Variants in RFX7 observed in about 807,000 individuals in gnomAD.
RFX7 encodes the protein regulatory factor X7.
A neutral mutation model predicts 111.8 loss-of-function variants in RFX7; 26 were observed. The ratio of observed to expected loss-of-function variants is 0.23; its 90% CI spans 0.17 to 0.32. RFX7 has a LOEUF of 0.32. Among genes scored for constraint, RFX7 ranks in the 10% least tolerant of loss-of-function variants. RFX7 has a pLI of 1.00. For missense variants in RFX7, 1,573 were observed against 1,772.9 expected (o/e 0.89, Z 2.02); for synonymous variants, 624 against 624.4 (o/e 1.00, Z 0.01).
chr15:56,217,060 T>A (rs1427442452), intron 2 of RFX7, among the ~76,000 whole-genome samples: 1 of 152,198 alleles, frequency 6.6e-6, no homozygotes, highest in African/African-American at 2.4e-5. Flanking sequence ...TTAGAAAGAA[T>A]AGTACAACCA....
At position 56,093,585 on chromosome 15, in the gene RFX7, A is replaced by G; in HGVS notation, c.4143T>C (p.Ser1381=). Residue 1381 remains serine (S), a synonymous_variant, in exon 10 of 10, where the codon TCT becomes TCC. Transcript: ENST00000559447. The part of the protein sequence containing the change: ...SDLTNTASDF[S]SDIRLSSELS... Reference sequence around the variant, plus strand: ...GCTCAGAAGACAACCTGATATCGCTAGAGAAATCAGATGCAGTATTAGTGA... The same window carrying G: ...GCTCAGAAGACAACCTGATATCGCTGGAGAAATCAGATGCAGTATTAGTGA... The G allele has an allele frequency of 6.2e-7, 1 of 1,613,810 alleles. No individual in the cohort carries two copies. Among genetic ancestry groups the G allele is most frequent in the Non-Finnish European group, 8.5e-7 (1 of 1,179,750 alleles).
intron 5 of RFX7, among the ~76,000 whole-genome samples, chr15:56,110,361 G>A (rs1375517952): frequency 8.7e-6 from 1 of 115,420 alleles, no homozygotes; most frequent in African/African-American, 3.1e-5. Flanking sequence ...CCTCGTCCGG[G>A]AGGGAGGTGG....
intron 5 of RFX7, among the ~76,000 whole-genome samples, chr15:56,135,077 G>A (rs1332762244): frequency 3.9e-5 from 6 of 152,260 alleles, no homozygotes; most frequent in South Asian, 4.2e-4. Context: ...ATAAACATAC[G>A]TGTGCATGTG....
chr15:56,158,199 G>A (rs2042677432), intron 3 of RFX7, among the ~76,000 whole-genome samples: 1 of 152,146 alleles, frequency 6.6e-6, no homozygotes, highest in African/African-American at 2.4e-5. Flanking sequence ...GTAAGGTATA[G>A]GATATAGAAT....
At chr15:56,238,135 CT>C (rs1377689556) in intron 2 of RFX7, among the ~76,000 whole-genome samples, 1 of 152,174 alleles carries the variant, frequency 6.6e-6, no homozygotes, top group East Asian at 1.9e-4. Flanking sequence ...AGTTAATAAA[CT>C]ACCTGATTCA....
In RFX7 at chr15:56,088,344, C is replaced by T. The variant is rs2041552429; in HGVS notation, c.*5001G>A. On this transcript the variant is annotated 3_prime_UTR_variant, in exon 10 of 10. Coordinates refer to ENST00000559447, the MANE Select transcript of RFX7 (RefSeq NM_022841.7). ...AAATTTTCTCACCTGAAAAATAATA[C>T]TCGCTAAAAATTGTTACAATGAGGA... The T allele has an allele frequency of 6.5e-6, 1 of 152,848 alleles. No individual in the cohort carries two copies. Among genetic ancestry groups the T allele is most frequent in the African/African-American group, 2.4e-5 (1 of 41,418 alleles). 9.5% of individuals were successfully genotyped at this position (152,848 alleles called of 1,614,324 possible). A position where few individuals can be genotyped will look rare whatever the true frequency, so the allele number is the denominator to read the frequency against.
intron 5 of RFX7, among the ~76,000 whole-genome samples, chr15:56,114,523 G>A (rs1447656034): frequency 6.6e-5 from 10 of 151,860 alleles, no homozygotes; most frequent in Admixed American, 6.6e-5. Context: ...GCAGAACAAT[G>A]ATATAGTATG....
chr15:56,154,219 T>C (rs989356880), intron 3 of RFX7, among the ~76,000 whole-genome samples: 4 of 152,176 alleles, frequency 2.6e-5, no homozygotes, highest in Admixed American at 6.5e-5. Context: ...AAGTAATTTA[T>C]AGATTCAGTG....
intron 3 of RFX7, among the ~76,000 whole-genome samples, chr15:56,153,277 A>G (rs2042601123): frequency 6.6e-6 from 1 of 152,228 alleles, no homozygotes; most frequent in Admixed American, 6.5e-5. Context: ...TTTCAGGCCA[A>G]TATCCCTGAT....
At chr15:56,128,186 G>T (rs1343235122) in intron 5 of RFX7, among the ~76,000 whole-genome samples, 1 of 152,136 alleles carries the variant, frequency 6.6e-6, no homozygotes, top group Non-Finnish European at 1.5e-5. Flanking sequence ...ATTCTAATCA[G>T]TCTTTCATAA....
intron 5 of RFX7, among the ~76,000 whole-genome samples, chr15:56,111,348 C>A (rs1271458123): frequency 6.6e-6 from 1 of 151,902 alleles, no homozygotes; most frequent in Non-Finnish European, 1.5e-5. Context: ...GTGACCTTAC[C>A]CCCAACCCGG....
chr15:56,211,778 C>T (rs1369169074), intron 2 of RFX7, among the ~76,000 whole-genome samples: 1 of 152,090 alleles, frequency 6.6e-6, no homozygotes, highest in East Asian at 1.9e-4. Context: ...TGAAGAGATG[C>T]TCCATATCAT....
At chr15:56,197,633 G>A (rs1027514717) in intron 2 of RFX7, among the ~76,000 whole-genome samples, 2 of 151,984 alleles carry the variant, frequency 1.3e-5, no homozygotes, top group African/African-American at 2.4e-5. Flanking sequence ...TACACGTTAG[G>A]CAATTATAAA....
At chr15:56,224,228 T>C (rs868769722) in intron 2 of RFX7, among the ~76,000 whole-genome samples, 7 of 152,098 alleles carry the variant, frequency 4.6e-5, no homozygotes, top group Middle Eastern at 3.4e-3. Context: ...GAAAGGAGGA[T>C]AGAGAAGATA....
intron 2 of RFX7, among the ~76,000 whole-genome samples, chr15:56,182,949 T>A (rs1030969725): frequency 6.6e-6 from 1 of 152,166 alleles, no homozygotes; most frequent in Non-Finnish European, 1.5e-5. Context: ...TATACTTCCA[T>A]TAGCAGTATA....
rs1487495808 is a variant in RFX7, at chr15:56,095,791, T to A, written c.1937A>T (p.Asn646Ile). 1.2e-6 allele frequency: 2 copies of A among 1,613,190 alleles called. No individual in the cohort carries two copies. The highest frequency in any genetic ancestry group is 8.5e-7 in the Non-Finnish European group (1 of 1,179,872). Residue 646 changes from asparagine (N) to isoleucine (I), a missense_variant, in exon 10 of 10, where the codon AAT becomes ATT. Coordinates refer to ENST00000559447, the MANE Select transcript of RFX7 (RefSeq NM_022841.7). ...TTTAGTGCATAATTTAGGGTCTTTA[T>A]TGATTGAGTCACCATTAGGTGGTGA... ...SSSPPNGDSI[N>I]KDPKLCTKSP...
chr15:56,195,447 A>ACT, intron 2 of RFX7, among the ~76,000 whole-genome samples: 1 of 152,246 alleles, frequency 6.6e-6, no homozygotes, highest in Non-Finnish European at 1.5e-5. Context: ...TTAAGAAAAA[A>ACT]CTTCCTTTAG....
chr15:56,130,825 A>G (rs75825979), intron 5 of RFX7, among the ~76,000 whole-genome samples: 3,691 of 152,236 alleles, frequency 0.024, 148 homozygotes, highest in African/African-American at 0.083. Flanking sequence ...CAAAAAGCAT[A>G]TAAGAAGATA....
intron 3 of RFX7, among the ~76,000 whole-genome samples, chr15:56,175,491 C>T (rs1227916029): frequency 1.3e-5 from 2 of 152,020 alleles, no homozygotes; most frequent in Non-Finnish European, 1.5e-5. Context: ...GATATCAAGA[C>T]TTTCTATAAA....
Sources: gnomAD v4.1 joint callset for allele counts (sites outside exome capture counted in the v4.1 genomes callset) on GRCh38, gnomAD v4.1.1 for gene constraint, MANE v1.5 for transcripts, NCBI Gene and HGNC (gene_info 2026-07-23, HGNC 2026-07-21) for gene names.